Variants in ZNF75D observed in about 807,000 individuals in gnomAD.
The protein encoded by ZNF75D is zinc finger protein 75.
A neutral mutation model predicts 33.3 loss-of-function variants in ZNF75D; 33 were observed. The ratio of observed to expected loss-of-function variants is 0.99; its 90% CI spans 0.75 to 1.32. The LOEUF is 1.32. Ranked by LOEUF, ZNF75D falls within the 40% of genes most tolerant of loss-of-function variation. The pLI is 0.00. For synonymous variants in ZNF75D, 113 were observed against 130.6 expected (o/e 0.87, Z 0.92); for missense variants, 338 against 367.5 (o/e 0.92, Z 0.66).
intron 1 of ZNF75D, among the ~76,000 whole-genome samples, chrX:135,302,774 T>C (rs1304439979): frequency 9.0e-6 from 1 of 111,388 alleles, no homozygotes; most frequent in Non-Finnish European, 1.9e-5. Flanking sequence ...CCTGTGGGTG[T>C]TTCTTGTTAG....
chrX:135,293,594 T>C, intron 3 of ZNF75D, 136 bp downstream of exon 3: 1 of 578,842 alleles, frequency 1.7e-6, no homozygotes, highest in Non-Finnish European at 2.7e-6. Flanking sequence ...TGTATGTCAT[T>C]TCAGATCCTT....
intron 1 of ZNF75D, among the ~76,000 whole-genome samples, chrX:135,327,274 C>G (rs1396697891): frequency 8.9e-6 from 1 of 112,712 alleles, no homozygotes; most frequent in African/African-American, 3.2e-5. Context: ...GCTACATTAT[C>G]TGGTTGTATC....
chrX:135,268,069 C>T (rs1440165380), intron 1 of ZNF75D, among the ~76,000 whole-genome samples: 1 of 104,726 alleles, frequency 9.5e-6, no homozygotes, highest in African/African-American at 3.5e-5. Context: ...CATATTTCTT[C>T]ATGGTAAAAA....
intron 1 of ZNF75D, among the ~76,000 whole-genome samples, chrX:135,257,651 C>T (rs1244313652): frequency 5.3e-5 from 6 of 112,419 alleles, no homozygotes; most frequent in Non-Finnish European, 1.1e-4. Flanking sequence ...TCACGTCAGG[C>T]CCAGTACAGT....
At chrX:135,326,208 G>T (rs1214749561) in intron 1 of ZNF75D, among the ~76,000 whole-genome samples, 1 of 110,070 alleles carries the variant, frequency 9.1e-6, no homozygotes, top group Admixed American at 9.6e-5. Context: ...TGCTCTGGTG[G>T]GGCCTTGGAG....
intron 1 of ZNF75D, among the ~76,000 whole-genome samples, chrX:135,262,628 G>A (rs1488049629): frequency 8.0e-5 from 9 of 112,104 alleles, no homozygotes; most frequent in African/African-American, 2.9e-4. Flanking sequence ...CTCATGCCAT[G>A]GTTTTCAGCT....
intron 1 of ZNF75D, among the ~76,000 whole-genome samples, chrX:135,333,241 T>G (rs1160270008): frequency 1.8e-5 from 2 of 111,403 alleles, no homozygotes; most frequent in Non-Finnish European, 3.8e-5. Flanking sequence ...GGAGGCTGAT[T>G]GGAGTGTTTT....
chrX:135,306,403 C>T (rs2084287219), intron 1 of ZNF75D, among the ~76,000 whole-genome samples: 1 of 111,676 alleles, frequency 9.0e-6, no homozygotes, highest in South Asian at 3.7e-4. Flanking sequence ...CTTTGAGTCC[C>T]ACATATGCAT....
chrX:135,321,938 A>G (rs189290218), intron 1 of ZNF75D, among the ~76,000 whole-genome samples: 36 of 112,243 alleles, frequency 3.2e-4, no homozygotes, highest in African/African-American at 1.1e-3. Context: ...TAGTTTATCT[A>G]ACTAACTTGT....
rs781895185 is a variant in ZNF75D, at chrX:135,291,112, C to T, written c.720G>A (p.Val240=). ...ACTCTTCCTCAGAAAAATACACAGC[C>T]ACATCTTCAAATGTCAACAAACTCT... ...ESLSLLTFED[V]AVYFSEEEWQ... The change falls in exon 6 of 7, where the codon GTG becomes GTA. Residue 240 remains valine, a synonymous_variant. Transcript: ENST00000370766. The T allele has an allele frequency of 1.2e-5, 14 of 1,211,504 alleles. No homozygotes were observed. The highest frequency in any genetic ancestry group is 1.6e-5 in the Non-Finnish European group (14 of 895,160).
chrX:135,340,643 AG>A (rs1246816312), intron 1 of ZNF75D, among the ~76,000 whole-genome samples: 1 of 111,845 alleles, frequency 8.9e-6, no homozygotes, highest in African/African-American at 3.3e-5. Flanking sequence ...TTTATGGGGG[AG>A]GGGTGTCACT....
chrX:135,258,138 G>C (rs1409534775), intron 1 of ZNF75D, among the ~76,000 whole-genome samples: 1 of 100,874 alleles, frequency 9.9e-6, no homozygotes, highest in Non-Finnish European at 2.1e-5. Flanking sequence ...CAAAGGACAT[G>C]AACTCATCAT....
At chrX:135,313,954 CTCTTT>C (rs2084389417) in intron 1 of ZNF75D, among the ~76,000 whole-genome samples, 1 of 111,531 alleles carries the variant, frequency 9.0e-6, no homozygotes, top group East Asian at 2.8e-4. Context: ...GTTTGGCTTC[CTCTTT>C]TCAAATTTGG....
intron 1 of ZNF75D, among the ~76,000 whole-genome samples, chrX:135,340,947 G>A (rs909956604): frequency 2.7e-5 from 3 of 111,947 alleles, no homozygotes; most frequent in African/African-American, 9.8e-5. Flanking sequence ...GCACTTAATT[G>A]ACAAAGACAA....
At chrX:135,261,582 G>A (rs2083842412) in intron 1 of ZNF75D, among the ~76,000 whole-genome samples, 1 of 111,511 alleles carries the variant, frequency 9.0e-6, no homozygotes, top group South Asian at 3.8e-4. Flanking sequence ...ATCTTTGTTG[G>A]TTTAAAGTCT....
chrX:135,305,017 G>GTTCC (rs782011587), intron 1 of ZNF75D, among the ~76,000 whole-genome samples: 2 of 112,263 alleles, frequency 1.8e-5, no homozygotes, highest in South Asian at 7.4e-4. Flanking sequence ...TCACCCCTGG[G>GTTCC]GGAAGTCCTT....
At position 135,286,691 on chromosome X, in the gene ZNF75D, T is replaced by G. The variant is rs1283473134; in HGVS notation, c.*446A>C. On this transcript the variant is annotated 3_prime_UTR_variant, in exon 7 of 7. Transcript: ENST00000370766. ...TAGACAGAATGATAACTATTGAAAC[T>G]GTCCCTAATTTAGTAATTCTCTCTG... 8.5e-6 allele frequency: 1 copy of G among 118,201 alleles called. No homozygotes were observed. The highest frequency in any genetic ancestry group is 1.7e-5 in the Non-Finnish European group (1 of 58,059). 9.7% of individuals were successfully genotyped at this position (118,201 alleles called of 1,213,427 possible). A position where few individuals can be genotyped will look rare whatever the true frequency, so the allele number is the denominator to read the frequency against.
chrX:135,249,461 T>A (rs1556413466), intron 3 of ZNF75D, among the ~76,000 whole-genome samples: 1 of 107,726 alleles, frequency 9.3e-6, no homozygotes, highest in African/African-American at 3.4e-5. Context: ...ATTTTTAAAT[T>A]TCTTTGAGTT....
intron 1 of ZNF75D, among the ~76,000 whole-genome samples, chrX:135,318,072 T>G (rs1332562380): frequency 2.1e-5 from 2 of 96,521 alleles, no homozygotes; most frequent in African/African-American, 7.8e-5. Context: ...AATGGCTTGA[T>G]ATATATATAT....
Sources: allele counts gnomAD v4.1 joint callset (sites outside exome capture counted in the v4.1 genomes callset), GRCh38; gene constraint gnomAD v4.1.1; transcripts MANE v1.5; gene names NCBI Gene and HGNC (gene_info 2026-07-23, HGNC 2026-07-21).